NAAA: variants seen among roughly 807,000 people sequenced by gnomAD.
NAAA encodes the protein N-acylethanolamine-hydrolyzing acid amidase.
A neutral mutation model predicts 44.8 loss-of-function variants in NAAA; 39 were observed. That is an observed-to-expected ratio of 0.87 (90% confidence interval 0.67 to 1.14). The LOEUF is 1.14. NAAA is among the 50% of genes most tolerant of loss of function. The pLI, the probability that NAAA is intolerant of heterozygous loss-of-function variation, is 0.00. For synonymous variants in NAAA, 178 were observed against 191.3 expected (o/e 0.93, Z 0.58); for missense variants, 460 against 467.8 (o/e 0.98, Z 0.15).
In NAAA at chr4:75,919,941, G is replaced by A; in HGVS notation, c.937C>T (p.Gln313Ter). Residue 313 changes from glutamine (Q) to a stop codon, truncating the protein, a stop_gained, in exon 8 of 11, where the codon CAA becomes TAA. Coordinates refer to ENST00000286733, the MANE Select transcript of NAAA (RefSeq NM_014435.4). LOFTEE classifies it high-confidence loss of function. The part of the protein sequence containing the change: ...SAIKALNATG[Q>*]ANLSLEALFQ... ...AGTGCCTCCAGGCTGAGGTTTGCTTGTCCTGTAGCATTAAGGGCCTTGATG... is the reference window on the plus strand; with the variant it reads ...AGTGCCTCCAGGCTGAGGTTTGCTTATCCTGTAGCATTAAGGGCCTTGATG... The A allele has an allele frequency of 1.2e-6, 2 of 1,614,108 alleles. No homozygotes were observed. Among genetic ancestry groups the A allele is most frequent in the South Asian group, 1.1e-5 (1 of 91,070 alleles).
chr4:75,940,502 G>T (rs1043512630), intron 1 of NAAA, among the ~76,000 whole-genome samples: 2 of 152,260 alleles, frequency 1.3e-5, no homozygotes, highest in South Asian at 4.1e-4. Context: ...CAACTCGCGC[G>T]CCACGCTGAC....
chr4:75,927,227 G>A (rs1726784743), intron 4 of NAAA, among the ~76,000 whole-genome samples: 1 of 151,038 alleles, frequency 6.6e-6, no homozygotes. Flanking sequence ...ACCAAAGTGG[G>A]TGGATCACTT....
At chr4:75,939,749 T>C in intron 2 of NAAA, 1 of 487,882 alleles carries the variant, frequency 2.0e-6, no homozygotes, top group East Asian at 3.6e-5. Flanking sequence ...CTACCTGGAT[T>C]GGGGAAGAGA....
intron 5 of NAAA, among the ~76,000 whole-genome samples, chr4:75,922,590 G>A (rs1276534827): frequency 6.6e-6 from 1 of 152,122 alleles, no homozygotes; most frequent in Non-Finnish European, 1.5e-5. Context: ...ATTTCTACAT[G>A]GCATTCCATA....
In NAAA at chr4:75,914,237, T is replaced by C. The variant is rs1328816873; in HGVS notation, c.*138A>G. The C allele has an allele frequency of 2.0e-6, 2 of 985,738 alleles. No homozygotes were observed. The highest frequency in any genetic ancestry group is 2.3e-4 in the East Asian group (2 of 8,832). The allele number at this position is 985,738 out of a possible 1,614,324, so 61.1% of individuals were successfully genotyped here. A position where few individuals can be genotyped will look rare whatever the true frequency, so the allele number is the denominator to read the frequency against. ...CACTTCGCAAGGTTGTAAAGTTAAA[T>C]GAGGAAGGAGCCTGCATTGTTTGTA... On this transcript the variant is annotated 3_prime_UTR_variant, in exon 11 of 11. Coordinates refer to ENST00000286733, the MANE Select transcript of NAAA (RefSeq NM_014435.4).
At chr4:75,911,244 T>A, downstream of NAAA, 1 of 489,274 alleles carries the variant, frequency 2.0e-6, no homozygotes, top group South Asian at 1.5e-5. Flanking sequence ...CTTTTGTGGA[T>A]CTTCAGTTGC....
intron 3 of NAAA, among the ~76,000 whole-genome samples, chr4:75,932,687 A>G (rs1727341580): frequency 6.6e-6 from 1 of 151,668 alleles, no homozygotes; most frequent in Non-Finnish European, 1.5e-5. Context: ...TGCTTTTCCT[A>G]AAGACAGGGT....
intron 9 of NAAA, 42 bp from the exon 10 acceptor site, chr4:75,915,027 T>A: frequency 7.0e-7 from 1 of 1,423,584 alleles, no homozygotes; most frequent in Non-Finnish European, 9.9e-7. Flanking sequence ...TCATTTTCTC[T>A]AATATGCCAG....
intron 5 of NAAA, among the ~76,000 whole-genome samples, chr4:75,924,194 T>TG (rs1464788970): frequency 6.6e-6 from 1 of 152,194 alleles, no homozygotes. Context: ...AAATCTAAGG[T>TG]ATCACCCCAG....
At chr4:75,915,956 G>A (rs1428526432) in intron 9 of NAAA, among the ~76,000 whole-genome samples, 1 of 152,220 alleles carries the variant, frequency 6.6e-6, no homozygotes, top group East Asian at 1.9e-4. Context: ...AGAATTAGTA[G>A]CACTGGGTCC....
intron 2 of NAAA, among the ~76,000 whole-genome samples, chr4:75,936,844 CT>C (rs1342159128): frequency 6.6e-6 from 1 of 152,072 alleles, no homozygotes; most frequent in East Asian, 1.9e-4. Context: ...GAGGAGGAGG[CT>C]TGTTAAGTAT....
chr4:75,940,287 T>C (rs1305300138), intron 1 of NAAA, 122 bp from the exon 2 acceptor site: 5 of 998,602 alleles, frequency 5.0e-6, no homozygotes, highest in Admixed American at 2.9e-5. Flanking sequence ...TGCTCCCCAG[T>C]CAGTGGACCG....
chr4:75,940,808 A>AG lies in NAAA; in HGVS notation c.141dup (p.Trp48LeufsTer57). On this transcript the variant is annotated frameshift_variant, in exon 1 of 11. Transcript: ENST00000286733. LOFTEE classifies it high-confidence loss of function. ...TCGTAGTGCCGCAGCACGGGCAGCC[A>AG]GCGCAGCTCGGGGACCGAGTCCAGG... 1 of 1,598,816 alleles carries AG rather than the reference A, an allele frequency of 6.3e-7. No homozygotes were observed. Among genetic ancestry groups the AG allele is most frequent in the Non-Finnish European group, 8.5e-7 (1 of 1,178,836 alleles).
chr4:75,936,277 T>C lies in NAAA; in HGVS notation c.372-42A>G. On this transcript the variant is annotated intron_variant, in intron 2 of 10. Transcript: ENST00000286733. ...GTCCAACATGAATGAATAAGACAAA[T>C]AAGAAAAAAAAGGAAAAGGAGTTTT... The C allele has an allele frequency of 5.1e-6, 8 of 1,566,398 alleles. No homozygotes were observed. The South Asian group carries it at 7.2e-5, about 14-fold the overall frequency.
At chr4:75,911,215 G>A (rs939566192), downstream of NAAA, 2 of 454,080 alleles carry the variant, frequency 4.4e-6, no homozygotes, top group African/African-American at 4.0e-5. Flanking sequence ...GTTAAGGCAG[G>A]AACTGGCTAT....
At position 75,926,560 on chromosome 4, in the gene NAAA, CA is replaced by C. The variant is rs56212846; in HGVS notation, c.590-750del. Among the ~76,000 whole-genome samples, 65 of 70,270 alleles carry C rather than the reference CA, an allele frequency of 9.3e-4. No homozygotes were observed. The Middle Eastern group carries it at 0.028, about 30-fold the overall frequency. The allele number at this position is 70,270 out of a possible 152,430, so 46.1% of individuals were successfully genotyped here. ...TGGGTGACAGAGAGAGACTCTGTCT[CA>C]AAAAAAAAAAAAAAAAAAAGACGGT... On this transcript the variant is annotated intron_variant, in intron 4 of 10. Coordinates refer to ENST00000286733, the MANE Select transcript of NAAA (RefSeq NM_014435.4).
rs777312770 is a variant in NAAA at position 75,940,934 on chromosome 4, G to A, written c.16C>T (p.Arg6Trp). Residue 6 changes from arginine to tryptophan, a missense_variant, in exon 1 of 11, where the codon CGG becomes TGG. Coordinates refer to ENST00000286733, the MANE Select transcript of NAAA (RefSeq NM_014435.4). MRTAD[R>W]EARPGLPSLL... ...GACGGAAGCCCCGGGCGCGCCTCCCGGTCCGCGGTCCGCATGGCTCGGGCT... is the reference window on the plus strand; with the variant it reads ...GACGGAAGCCCCGGGCGCGCCTCCCAGTCCGCGGTCCGCATGGCTCGGGCT... 9 of 1,497,394 alleles carry A rather than the reference G, an allele frequency of 6.0e-6. No homozygotes were observed. The highest frequency in any genetic ancestry group is 1.3e-5 in the South Asian group (1 of 79,490). The allele number at this position is 1,497,394 out of a possible 1,614,324, so 92.8% of individuals were successfully genotyped here.
Position 75,940,137 on chromosome 4 carries a change from A to T in NAAA, c.235T>A (p.Leu79Ile). The change falls in exon 2 of 11, where the codon TTA becomes ATA. Residue 79 changes from leucine (L) to isoleucine (I), a missense_variant. Leu to Ile is a conservative substitution (Grantham distance 5, BLOSUM62 2). Transcript: ENST00000286733. The stretch of plus-strand genomic sequence containing the variant: ...AGCTCCAGGACCACTTTTCCGATTA[A>T]CACGTGCACCCACTTGGGGACTCTG... ...GDRVPKWVHV[L>I]IGKVVLELER... The T allele has an allele frequency of 6.2e-7, 1 of 1,614,054 alleles. No individual in the cohort carries two copies. The highest frequency in any genetic ancestry group is 1.6e-4 in the Middle Eastern group (1 of 6,062).
chr4:75,936,024 C>T (rs1727675131), intron 3 of NAAA, 85 bp downstream of exon 3: 1 of 1,534,222 alleles, frequency 6.5e-7, no homozygotes, highest in Non-Finnish European at 9.0e-7. Context: ...TGATAACACA[C>T]TTAAGTTAGC....
Sources: allele counts gnomAD v4.1 joint callset (sites outside exome capture counted in the v4.1 genomes callset), GRCh38; gene constraint gnomAD v4.1.1; transcripts MANE v1.5; gene names NCBI Gene and HGNC (gene_info 2026-07-23, HGNC 2026-07-21).